DYM: variants seen among roughly 807,000 people sequenced by gnomAD.
The protein encoded by DYM is dymeclin, also known as dyggve-Melchior-Clausen syndrome protein.
In DYM, 78 loss-of-function variants were observed where a neutral mutation model predicts 93.1. The observed-to-expected ratio is 0.84, with a 90% confidence interval of 0.70 to 1.01. The LOEUF (loss-of-function observed/expected upper bound fraction) is 1.01, where lower values mean the gene tolerates loss of function less well. Ranked by LOEUF, DYM falls within the 50% of genes least tolerant of loss-of-function variation. The pLI, the probability that DYM is intolerant of heterozygous loss-of-function variation, is 0.00. For synonymous variants in DYM, 321 were observed against 319.7 expected (o/e 1.00, Z -0.04); for missense variants, 789 against 845.0 (o/e 0.93, Z 0.82).
intron 5 of DYM, among the ~76,000 whole-genome samples, chr18:49,371,903 T>G (rs2147540241): frequency 6.6e-6 from 1 of 152,342 alleles, no homozygotes; most frequent in Non-Finnish European, 1.5e-5. Context: ...AAGAGCTTAC[T>G]GACAGTCACA....
chr18:49,240,463 A>G (rs916346011), intron 13 of DYM, among the ~76,000 whole-genome samples: 3 of 152,222 alleles, frequency 2.0e-5, no homozygotes, highest in African/African-American at 7.2e-5. Context: ...CATTTGAGAG[A>G]TATTGGTTCA....
intron 14 of DYM, among the ~76,000 whole-genome samples, chr18:49,191,761 A>G (rs1330673713): frequency 6.6e-6 from 1 of 152,218 alleles, no homozygotes; most frequent in Non-Finnish European, 1.5e-5. Flanking sequence ...GACATCAAAT[A>G]ATATTAAATT....
intron 16 of DYM, among the ~76,000 whole-genome samples, chr18:49,110,727 C>A (rs1340461881): frequency 2.0e-5 from 3 of 152,060 alleles, no homozygotes; most frequent in Non-Finnish European, 4.4e-5. Context: ...CTTCCTGGAT[C>A]TGTGGTTTGA....
chr18:49,142,045 G>A (rs1165216922), intron 15 of DYM, among the ~76,000 whole-genome samples: 2 of 148,878 alleles, frequency 1.3e-5, no homozygotes, highest in Non-Finnish European at 3.0e-5. Context: ...TGTATCTTTA[G>A]TAGACAGGGG....
chr18:49,279,681 T>C (rs138232007), intron 10 of DYM, among the ~76,000 whole-genome samples: 2 of 152,352 alleles, frequency 1.3e-5, no homozygotes, highest in African/African-American at 4.8e-5. Flanking sequence ...TTCCTGCTTA[T>C]TGCCAACGTT....
At position 49,039,609 on chromosome 18, in the gene DYM, A is replaced by G. The variant is rs1390589969; in HGVS notation, c.*4446T>C. On this transcript the variant is annotated 3_prime_UTR_variant, in exon 18 of 18. Coordinates refer to ENST00000675505, the MANE Select transcript of DYM (RefSeq NM_001353214.3). ...CTCCATGTTCTGTTTTTTTTACTAT[A>G]TAATTCCTGCTCCCACCCCTCACCC... Among the ~76,000 whole-genome samples, 2 of 151,640 alleles carry G rather than the reference A, an allele frequency of 1.3e-5. No individual in the cohort carries two copies. The highest frequency in any genetic ancestry group is 2.9e-5 in the Non-Finnish European group (2 of 67,880).
chr18:49,319,093 C>G (rs183717051), intron 8 of DYM, among the ~76,000 whole-genome samples: 2 of 152,068 alleles, frequency 1.3e-5, no homozygotes, highest in Non-Finnish European at 2.9e-5. Context: ...GCGTGAGCCA[C>G]GCAACCGGCC....
chr18:49,146,708 AT>A (rs1241703570), intron 15 of DYM, among the ~76,000 whole-genome samples: 2 of 152,208 alleles, frequency 1.3e-5, no homozygotes, highest in African/African-American at 4.8e-5. Flanking sequence ...ATACAAACAA[AT>A]GGAAGAACAT....
At chr18:49,075,091 C>T (rs974267529) in intron 17 of DYM, among the ~76,000 whole-genome samples, 1 of 152,218 alleles carries the variant, frequency 6.6e-6, no homozygotes, top group African/African-American at 2.4e-5. Context: ...ACCTAGCTTT[C>T]ACCTGTGTCT....
At chr18:49,070,320 A>C (rs1028833229) in intron 17 of DYM, among the ~76,000 whole-genome samples, 2 of 152,234 alleles carry the variant, frequency 1.3e-5, no homozygotes, top group Non-Finnish European at 1.5e-5. Flanking sequence ...GGATGTAGGT[A>C]AGGTGATGAG....
chr18:49,101,147 T>C (rs1317892863), intron 16 of DYM, among the ~76,000 whole-genome samples: 2 of 152,214 alleles, frequency 1.3e-5, no homozygotes, highest in African/African-American at 4.8e-5. Context: ...CCATTAAAAC[T>C]ATTAAAATAG....
intron 13 of DYM, among the ~76,000 whole-genome samples, chr18:49,223,154 C>A (rs770088141): frequency 4.8e-4 from 73 of 152,024 alleles, no homozygotes; most frequent in Non-Finnish European, 7.7e-4. Flanking sequence ...CAGGAAGATG[C>A]AAACAAACAA....
intron 1 of DYM, among the ~76,000 whole-genome samples, chr18:49,450,712 C>T (rs893961416): frequency 6.6e-6 from 1 of 152,114 alleles, no homozygotes; most frequent in African/African-American, 2.4e-5. Flanking sequence ...GTGAATAATA[C>T]TAATATATGT....
At position 49,126,006 on chromosome 18, in the gene DYM, AT is replaced by A. The variant is rs146298092; in HGVS notation, c.1729-7081del. 4.2e-3 allele frequency among the ~76,000 whole-genome samples: 644 copies of A among 152,346 alleles called. 1 individual carries two copies. Among genetic ancestry groups the A allele is most frequent in the Non-Finnish European group, 6.0e-3 (411 of 68,024 alleles). On this transcript the variant is annotated intron_variant, in intron 15 of 17. Transcript: ENST00000675505. ...ATTTGCACTTTGCTAGATGTCTAGC[AT>A]TTGGATTGTTTTGATCATAGATGTA... is the stretch of plus-strand genomic sequence containing the variant.
intron 1 of DYM, among the ~76,000 whole-genome samples, chr18:49,441,328 A>AATTAT (rs2081594144): frequency 1.5e-5 from 1 of 66,240 alleles, no homozygotes; most frequent in South Asian, 4.3e-4. Context: ...AATTATATAT[A>AATTAT]ATATAATTAT....
At chr18:49,438,324 T>G (rs1018178936) in intron 1 of DYM, among the ~76,000 whole-genome samples, 3 of 152,142 alleles carry the variant, frequency 2.0e-5, no homozygotes, top group Non-Finnish European at 4.4e-5. Flanking sequence ...AAGAGTACAG[T>G]GCCTCCTTCC....
intron 1 of DYM, among the ~76,000 whole-genome samples, chr18:49,448,450 T>G (rs192606880): frequency 2.3e-4 from 35 of 152,310 alleles, no homozygotes; most frequent in Non-Finnish European, 3.5e-4. Context: ...TTGAAATCCA[T>G]TTTTCAGGAA....
chr18:49,448,634 C>T (rs1489590660), intron 1 of DYM, among the ~76,000 whole-genome samples: 1 of 152,146 alleles, frequency 6.6e-6, no homozygotes, highest in African/African-American at 2.4e-5. Flanking sequence ...ACCCAGGAAA[C>T]ACAGGGGGAA....
chr18:49,405,052 A>T (rs1329103651), intron 2 of DYM, among the ~76,000 whole-genome samples: 1 of 151,712 alleles, frequency 6.6e-6, no homozygotes, highest in African/African-American at 2.4e-5. Flanking sequence ...AGGAAAAGAA[A>T]ATTGTCCATT....
Sources: gnomAD v4.1 joint callset for allele counts (sites outside exome capture counted in the v4.1 genomes callset) on GRCh38, gnomAD v4.1.1 for gene constraint, MANE v1.5 for transcripts, NCBI Gene and HGNC (gene_info 2026-07-23, HGNC 2026-07-21) for gene names.